The following BAIAP2 variants were observed in gnomAD, a reference collection of about 807,000 sequenced individuals.
The protein encoded by BAIAP2 is BAR/IMD domain-containing adapter protein 2.
BAIAP2 carries 18 observed loss-of-function variants against 63.0 expected under a neutral mutation model. That is an observed-to-expected ratio of 0.29 (90% confidence interval 0.20 to 0.42). The LOEUF (loss-of-function observed/expected upper bound fraction) is 0.42. Ranked by LOEUF, BAIAP2 falls within the 10% of genes least tolerant of loss-of-function variation. BAIAP2 has a pLI of 1.00. For synonymous variants in BAIAP2, 386 were observed against 307.6 expected (o/e 1.25, Z -2.67); for missense variants, 610 against 734.3 (o/e 0.83, Z 1.96).
chr17:81,101,961 G>A (rs571798841), intron 7 of BAIAP2, among the ~76,000 whole-genome samples: 4 of 152,338 alleles, frequency 2.6e-5, no homozygotes, highest in East Asian at 3.9e-4. Flanking sequence ...GCCCCATGAC[G>A]GGGCCAGGGA....
intron 1 of BAIAP2, among the ~76,000 whole-genome samples, chr17:81,040,268 C>G (rs956549801): frequency 2.0e-5 from 3 of 152,230 alleles, no homozygotes; most frequent in Admixed American, 6.5e-5. Flanking sequence ...CTGCACAGAG[C>G]CCGTGGTCCC....
chr17:81,070,285 G>A (rs760147380), intron 3 of BAIAP2, among the ~76,000 whole-genome samples: 3 of 152,174 alleles, frequency 2.0e-5, no homozygotes, highest in Non-Finnish European at 4.4e-5. Context: ...AGGCAAATTT[G>A]CCCATGAAGA....
At chr17:81,078,524 G>A (rs1165397075) in intron 3 of BAIAP2, among the ~76,000 whole-genome samples, 2 of 131,274 alleles carry the variant, frequency 1.5e-5, no homozygotes, top group East Asian at 2.3e-4. Context: ...GCTGTGGTGC[G>A]GGTGCCGTAT....
intron 13 of BAIAP2, chr17:81,110,952 T>C: frequency 6.2e-7 from 1 of 1,613,916 alleles, no homozygotes; most frequent in Non-Finnish European, 8.5e-7. Context: ...GCCGCCTGAC[T>C]AGAGTTAGTA....
intron 3 of BAIAP2, among the ~76,000 whole-genome samples, chr17:81,074,937 G>A (rs1210007957): frequency 6.6e-6 from 1 of 152,248 alleles, no homozygotes. Context: ...TTCTCTCCAG[G>A]TTGGAAAGGT....
Position 81,106,877 on chromosome 17 carries a change from C to G in BAIAP2, c.1470C>G (p.Pro490=), listed in dbSNP as rs1012127483. ...AQTASGFKQR[P]YSVAVPAFSQ... Reference sequence around the variant, plus strand: ...CGGCCAGCGGCTTCAAGCAGAGGCCCTACAGTGTGGCCGTGCCCGCCTTCT... The same window carrying G: ...CGGCCAGCGGCTTCAAGCAGAGGCCGTACAGTGTGGCCGTGCCCGCCTTCT... Residue 490 remains proline (P), a synonymous_variant, in exon 12 of 14, where the codon CCC becomes CCG. Transcript: ENST00000428708. 3 of 1,595,922 alleles carry G rather than the reference C, an allele frequency of 1.9e-6. No homozygotes were observed. The highest frequency in any genetic ancestry group is 2.7e-5 in the African/African-American group (2 of 74,560).
intron 2 of BAIAP2, among the ~76,000 whole-genome samples, chr17:81,055,338 G>T (rs1367168523): frequency 6.6e-6 from 1 of 152,120 alleles, no homozygotes; most frequent in Non-Finnish European, 1.5e-5. Context: ...TCTAGTTGGG[G>T]GTGGCCTTCA....
rs1234556913 is a variant in BAIAP2 at position 81,109,191 on chromosome 17, CCT to C, written c.1535+684_1535+685del. The C allele has an allele frequency of 4.3e-6, 6 of 1,407,192 alleles. No individual in the cohort carries two copies. The African/African-American group carries it at 5.8e-5, about 14-fold the overall frequency. 87.2% of individuals were successfully genotyped at this position (1,407,192 alleles called of 1,614,324 possible). On this transcript the variant is annotated intron_variant, in intron 13 of 13. Transcript: ENST00000428708. Reference sequence around the variant, plus strand: ...CCATGGTGCTGCTCCATCCGCCCCCCCTCCCCTGTGTTTACGCGCCCCATCCT... The same window carrying C: ...CCATGGTGCTGCTCCATCCGCCCCCCCCCCTGTGTTTACGCGCCCCATCCT...
At chr17:81,040,315 C>T (rs1418136573) in intron 1 of BAIAP2, among the ~76,000 whole-genome samples, 1 of 152,234 alleles carries the variant, frequency 6.6e-6, no homozygotes, top group Non-Finnish European at 1.5e-5. Context: ...GCGCCGTCAG[C>T]CGCCCCCCAC....
At position 81,115,995 on chromosome 17, in the gene BAIAP2, G is replaced by A; in HGVS notation, c.*156G>A. The A allele has an allele frequency of 6.8e-7, 1 of 1,479,540 alleles. No individual in the cohort carries two copies. The highest frequency in any genetic ancestry group is 9.0e-7 in the Non-Finnish European group (1 of 1,116,344). 91.7% of individuals were successfully genotyped at this position (1,479,540 alleles called of 1,614,324 possible). On this transcript the variant is annotated 3_prime_UTR_variant, in exon 14 of 14. Transcript: ENST00000428708. The stretch of plus-strand genomic sequence containing the variant: ...GTCTGGCCTGGACTGGATCCCAGCT[G>A]TTCTAGGCAGGGCCGGGCAGAGTGG...
intron 3 of BAIAP2, among the ~76,000 whole-genome samples, chr17:81,060,906 T>C (rs2050431899): frequency 6.6e-6 from 1 of 152,158 alleles, no homozygotes; most frequent in Non-Finnish European, 1.5e-5. Context: ...GTGGATTGCC[T>C]GAGGTCAGGA....
intron 10 of BAIAP2, chr17:81,104,939 C>T: frequency 2.0e-6 from 1 of 497,352 alleles, no homozygotes; most frequent in Non-Finnish European, 3.6e-6. Context: ...CACCTCCCTG[C>T]AGGGGTCTTC....
Position 81,070,247 on chromosome 17 carries a change from C to T in BAIAP2, c.217+12280C>T, listed in dbSNP as rs1413471145. Among the ~76,000 whole-genome samples, 8 of 152,308 alleles carry T rather than the reference C, an allele frequency of 5.3e-5. No homozygotes were observed. The South Asian group carries it at 1.0e-3, about 20-fold the overall frequency. On this transcript the variant is annotated intron_variant, in intron 3 of 13. Coordinates refer to ENST00000428708, the MANE Select transcript of BAIAP2 (RefSeq NM_001144888.2). ...GTGCTGGGATTACAGGCGCGAGCCACCGTGCCTGGCCAGAGGTTGGTCTTG... is the reference window on the plus strand; with the variant it reads ...GTGCTGGGATTACAGGCGCGAGCCATCGTGCCTGGCCAGAGGTTGGTCTTG...
intron 4 of BAIAP2, chr17:81,085,170 C>T: frequency 1.8e-6 from 1 of 548,228 alleles, no homozygotes; most frequent in Non-Finnish European, 3.3e-6. Flanking sequence ...CCAGCCAGAC[C>T]CCACTCCTGG....
At position 81,106,670 on chromosome 17, in the gene BAIAP2, C is replaced by T. The variant is rs960190161; in HGVS notation, c.1338-75C>T. The T allele has an allele frequency of 7.0e-6, 11 of 1,577,636 alleles. No individual in the cohort carries two copies. In the South Asian group the frequency reaches 9.0e-5, roughly 13 times the overall value. On this transcript the variant is annotated intron_variant, in intron 11 of 13. Transcript: ENST00000428708. ...CGTGGGCTAGGTGAGGGCGGGCAGT[C>T]CAGGGAGCCACAGGGTTGTGGGGTG...
Position 81,046,082 on chromosome 17 carries a change from T to C in BAIAP2, c.55-7586T>C, listed in dbSNP as rs1437438297. ...TCGGCTGTGGGGACCCTATTAATAC[T>C]CACAGGGAGGCAGAGCTGCCGGCTC... On this transcript the variant is annotated intron_variant, in intron 1 of 13. Transcript: ENST00000428708. This position sits in a 1 kb window ranked among gnomAD's most constrained non-coding sequence, Gnocchi z 4.5. 2.6e-5 allele frequency among the ~76,000 whole-genome samples: 4 copies of C among 152,032 alleles called. No homozygotes were observed. Among genetic ancestry groups the C allele is most frequent in the Non-Finnish European group, 5.9e-5 (4 of 67,968 alleles).
At chr17:81,099,538 T>G (rs2058207516) in intron 6 of BAIAP2, among the ~76,000 whole-genome samples, 1 of 152,098 alleles carries the variant, frequency 6.6e-6, no homozygotes. Context: ...CTGGGGCCCA[T>G]GGAGCTGGGG....
chr17:81,090,179 A>G (rs1483744808), intron 6 of BAIAP2, among the ~76,000 whole-genome samples: 1 of 152,018 alleles, frequency 6.6e-6, no homozygotes, highest in Non-Finnish European at 1.5e-5. Flanking sequence ...TCTGTCCCTT[A>G]TGGGTCATGT....
At chr17:81,076,939 C>G (rs764165503) in intron 3 of BAIAP2, among the ~76,000 whole-genome samples, 4 of 152,124 alleles carry the variant, frequency 2.6e-5, no homozygotes, top group Non-Finnish European at 5.9e-5. Flanking sequence ...GCACTTCACT[C>G]CAGCCTGGTG....
Sources: gnomAD v4.1 joint callset for allele counts (sites outside exome capture counted in the v4.1 genomes callset) on GRCh38, gnomAD v4.1.1 for gene constraint, Gnocchi (gnomAD v3.1) non-coding constraint, MANE v1.5 for transcripts, NCBI Gene and HGNC (gene_info 2026-07-23, HGNC 2026-07-21) for gene names.